The following NIBAN1 variants were observed in gnomAD, a reference collection of about 807,000 sequenced individuals.
NIBAN1 encodes protein Niban 1.
A neutral mutation model predicts 75.1 loss-of-function variants in NIBAN1; 81 were observed. That is an observed-to-expected ratio of 1.08 (90% CI 0.90 to 1.30). NIBAN1 has a LOEUF of 1.30. Among genes scored for constraint, NIBAN1 ranks in the 50% most tolerant of loss-of-function variants. The pLI is 0.00. For missense variants in NIBAN1, 1,133 were observed against 1,128.1 expected (o/e 1.00, Z -0.06); for synonymous variants, 436 against 424.8 (o/e 1.03, Z -0.32).
rs569067627 is a variant in NIBAN1 at position 184,911,434 on chromosome 1, A to C, written c.56-12125T>G. 2.0e-5 allele frequency among the ~76,000 whole-genome samples: 3 copies of C among 152,348 alleles called. No individual in the cohort carries two copies. In the East Asian group the frequency reaches 5.8e-4, roughly 29 times the overall value. On this transcript the variant is annotated intron_variant, in intron 1 of 13. Coordinates refer to ENST00000367511, the MANE Select transcript of NIBAN1 (RefSeq NM_052966.4). ...GCAGAGGTTGTCAGCAAAAAGGTATAGACCCAGCAGAGCTCTGGGCACCAG... is the reference window on the plus strand; with the variant it reads ...GCAGAGGTTGTCAGCAAAAAGGTATCGACCCAGCAGAGCTCTGGGCACCAG...
At chr1:184,804,180 T>C (rs1258845131) in intron 11 of NIBAN1, among the ~76,000 whole-genome samples, 2 of 152,238 alleles carry the variant, frequency 1.3e-5, no homozygotes, top group African/African-American at 2.4e-5. Flanking sequence ...AGATGACGAT[T>C]CTGTCTGTTC....
intron 5 of NIBAN1, among the ~76,000 whole-genome samples, chr1:184,869,835 C>T (rs970465568): frequency 2.6e-5 from 4 of 152,202 alleles, no homozygotes; most frequent in African/African-American, 9.7e-5. Context: ...AGCCACTGCG[C>T]TCGGCCCACC....
chr1:184,953,989 C>A (rs1321991282), intron 1 of NIBAN1, among the ~76,000 whole-genome samples: 1 of 152,210 alleles, frequency 6.6e-6, no homozygotes, highest in Non-Finnish European at 1.5e-5. Context: ...TTATATGATT[C>A]AAGGAGCACT....
At chr1:184,948,763 C>G (rs1411997091) in intron 1 of NIBAN1, among the ~76,000 whole-genome samples, 2 of 151,752 alleles carry the variant, frequency 1.3e-5, no homozygotes, top group African/African-American at 4.8e-5. Flanking sequence ...TGGCAGTATA[C>G]CGATTTGTAC....
chr1:184,823,828 T>C, intron 6 of NIBAN1, 86 bp from the exon 7 acceptor site: 1 of 1,096,910 alleles, frequency 9.1e-7, no homozygotes, highest in Non-Finnish European at 1.4e-6. Context: ...CCTGATTGGC[T>C]GTCCCTGTCC....
Position 184,803,759 on chromosome 1 carries a change from A to T in NIBAN1, c.1447-67T>A, listed in dbSNP as rs892098678. The stretch of plus-strand genomic sequence containing the variant: ...CTGTTGACTTATGTTTACTCAAAAA[A>T]CTCAGCCACCCACTTCACCTCTCTT... On this transcript the variant is annotated intron_variant, in intron 11 of 13. Transcript: ENST00000367511. 8 of 1,407,816 alleles carry T rather than the reference A, an allele frequency of 5.7e-6. No individual in the cohort carries two copies. The African/African-American group carries it at 1.1e-4, about 20-fold the overall frequency. 87.2% of individuals were successfully genotyped at this position (1,407,816 alleles called of 1,614,324 possible). A position where few individuals can be genotyped will look rare whatever the true frequency, so the allele number is the denominator to read the frequency against.
chr1:184,799,192 C>A (rs1056438272), intron 12 of NIBAN1, among the ~76,000 whole-genome samples: 2 of 151,668 alleles, frequency 1.3e-5, no homozygotes, highest in Admixed American at 1.3e-4. Flanking sequence ...TCCCTCCCCT[C>A]TCCCCCCACC....
Position 184,906,566 on chromosome 1 carries a change from G to A in NIBAN1, c.56-7257C>T, listed in dbSNP as rs572368094. Among the ~76,000 whole-genome samples, 3 of 152,250 alleles carry A rather than the reference G, an allele frequency of 2.0e-5. No individual in the cohort carries two copies. The East Asian group carries it at 5.8e-4, about 29-fold the overall frequency. ...AATAGCTTGAATCAGGGAGGCGGAG[G>A]TTGCGGTGAGCTGAGATTGTGCCAC... On this transcript the variant is annotated intron_variant, in intron 1 of 13. Transcript: ENST00000367511.
At chr1:184,968,972 T>C (rs1351334944) in intron 1 of NIBAN1, among the ~76,000 whole-genome samples, 4 of 152,194 alleles carry the variant, frequency 2.6e-5, no homozygotes, top group Non-Finnish European at 5.9e-5. Flanking sequence ...CAGCCATGGT[T>C]ACAATCCAGC....
rs373219139 is a variant in NIBAN1, at chr1:184,817,223, C to G, written c.1173+1415G>C. 3.0e-3 allele frequency among the ~76,000 whole-genome samples: 450 copies of G among 152,314 alleles called. 5 individuals are homozygous for G. In the East Asian group the frequency reaches 0.038, roughly 13 times the overall value. ...ATGAACTCATCCTTTTTTATGGCTG[C>G]ATAGTATTCCATGGTGTACATGCCA... On this transcript the variant is annotated intron_variant, in intron 9 of 13. Coordinates refer to ENST00000367511, the MANE Select transcript of NIBAN1 (RefSeq NM_052966.4).
intron 4 of NIBAN1, among the ~76,000 whole-genome samples, chr1:184,885,051 A>G (rs566282084): frequency 1.3e-5 from 2 of 151,906 alleles, no homozygotes; most frequent in Admixed American, 1.3e-4. Flanking sequence ...CAGGAACACA[A>G]TTTTTTCTCT....
chr1:184,908,851 T>C (rs202160459), intron 1 of NIBAN1, among the ~76,000 whole-genome samples: 1 of 152,190 alleles, frequency 6.6e-6, no homozygotes, highest in Non-Finnish European at 1.5e-5. Context: ...AGATTGGCTG[T>C]CTTTTTCTTT....
In NIBAN1 at chr1:184,899,290, G is replaced by A; in HGVS notation, c.75C>T (p.Ile25=). ...AYIRGKTEAA[I]KNFSPYYSRQ... is the part of the protein sequence containing the mutation. ...GACTGTAGTAGGGACTGAAGTTTTT[G>A]ATGGCAGCCTCAGTTTTCCCTAGAA... The change falls in exon 2 of 14, where the codon ATC becomes ATT. Residue 25 remains isoleucine (I), a synonymous_variant. Transcript: ENST00000367511. The A allele has an allele frequency of 6.2e-7, 1 of 1,613,772 alleles. No individual in the cohort carries two copies. The highest frequency in any genetic ancestry group is 1.3e-5 in the African/African-American group (1 of 75,014).
At chr1:184,904,031 A>G (rs970805375) in intron 1 of NIBAN1, among the ~76,000 whole-genome samples, 2 of 151,772 alleles carry the variant, frequency 1.3e-5, no homozygotes, top group African/African-American at 2.4e-5. Context: ...CAAGTAGCTG[A>G]GATTACAGGC....
intron 5 of NIBAN1, among the ~76,000 whole-genome samples, chr1:184,878,493 A>G (rs1326695442): frequency 6.6e-6 from 1 of 152,224 alleles, no homozygotes; most frequent in Admixed American, 6.5e-5. Flanking sequence ...TATGCTATCA[A>G]ATATTTTATC....
At chr1:184,884,838 A>T in intron 4 of NIBAN1, 38 bp from the exon 5 acceptor site, 2 of 1,600,082 alleles carry the variant, frequency 1.2e-6, no homozygotes, top group Non-Finnish European at 1.7e-6. Flanking sequence ...CTTTTAAAAC[A>T]TGTATCTTTT....
intron 5 of NIBAN1, among the ~76,000 whole-genome samples, chr1:184,861,454 C>A (rs1655811786): frequency 6.7e-6 from 1 of 149,662 alleles, no homozygotes; most frequent in Admixed American, 6.7e-5. Context: ...GCTCAGCATA[C>A]AAAAGGTGCT....
chr1:184,797,861 TA>T (rs1282845172), intron 13 of NIBAN1, among the ~76,000 whole-genome samples: 1 of 152,336 alleles, frequency 6.6e-6, no homozygotes, highest in South Asian at 2.1e-4. Context: ...AAAGGGAAAA[TA>T]ACATCTAAAG....
intron 1 of NIBAN1, among the ~76,000 whole-genome samples, chr1:184,972,817 T>C (rs1658973300): frequency 6.6e-6 from 1 of 152,232 alleles, no homozygotes; most frequent in Non-Finnish European, 1.5e-5. Flanking sequence ...GGCCAGGAAG[T>C]CTTCTTTAAG....
Sources: allele counts gnomAD v4.1 joint callset (sites outside exome capture counted in the v4.1 genomes callset), GRCh38; gene constraint gnomAD v4.1.1; transcripts MANE v1.5; gene names NCBI Gene and HGNC (gene_info 2026-07-23, HGNC 2026-07-21).